The following TNNI3K variants were observed in gnomAD, a reference collection of about 807,000 sequenced individuals.
TNNI3K encodes TNNI3 interacting kinase.
TNNI3K carries 140 observed loss-of-function variants against 114.5 expected under a neutral mutation model. The ratio of observed to expected loss-of-function variants is 1.22; its 90% CI spans 1.07 to 1.41. The LOEUF (loss-of-function observed/expected upper bound fraction) is 1.41, where lower values mean the gene tolerates loss of function less well. Ranked by LOEUF, TNNI3K falls within the 40% of genes most tolerant of loss-of-function variation. The pLI, the probability that TNNI3K is intolerant of heterozygous loss-of-function variation, is 0.00. For synonymous variants in TNNI3K, 347 were observed against 347.5 expected, an observed-to-expected ratio of 1.00 and a Z score of 0.02; for missense variants, 1,125 against 1,007.6, an observed-to-expected ratio of 1.12 and a Z score of -1.58.
At chr1:74,536,267 C>T (rs1646659868) in intron 23 of TNNI3K, among the ~76,000 whole-genome samples, 1 of 152,090 alleles carries the variant, frequency 6.6e-6, no homozygotes, top group African/African-American at 2.4e-5. Flanking sequence ...CATTCACAGA[C>T]AATGTGACCA....
chr1:74,484,776 C>G (rs1354681226), intron 21 of TNNI3K, among the ~76,000 whole-genome samples: 2 of 151,984 alleles, frequency 1.3e-5, no homozygotes, highest in Admixed American at 1.3e-4. Context: ...AAAGACATAG[C>G]GTTTTAACCC....
intron 21 of TNNI3K, among the ~76,000 whole-genome samples, chr1:74,478,878 G>T (rs1668337085): frequency 6.6e-6 from 1 of 152,060 alleles, no homozygotes; most frequent in Non-Finnish European, 1.5e-5. Context: ...TTATTTCTTA[G>T]CACATACAAT....
chr1:74,257,676 T>C (rs1436567708), intron 4 of TNNI3K, among the ~76,000 whole-genome samples: 1 of 139,566 alleles, frequency 7.2e-6, no homozygotes, highest in Admixed American at 7.2e-5. Context: ...TTTTTTTTTT[T>C]TTTTTTTTTT....
At chr1:74,248,396 A>G (rs1020387961) in intron 2 of TNNI3K, among the ~76,000 whole-genome samples, 1 of 152,140 alleles carries the variant, frequency 6.6e-6, no homozygotes, top group Non-Finnish European at 1.5e-5. Context: ...AAGTGCAGCC[A>G]GAGTTGGCAC....
At chr1:74,515,066 G>T (rs886125174) in intron 23 of TNNI3K, among the ~76,000 whole-genome samples, 1 of 152,140 alleles carries the variant, frequency 6.6e-6, no homozygotes, top group Non-Finnish European at 1.5e-5. Flanking sequence ...TAGGACATGG[G>T]CACAGAATTT....
intron 5 of TNNI3K, among the ~76,000 whole-genome samples, chr1:74,302,327 C>T (rs55891352): frequency 0.075 from 11,386 of 152,190 alleles, 534 homozygotes; most frequent in African/African-American, 0.13. Context: ...CCCTGAGACA[C>T]AATAATATTG....
chr1:74,506,733 G>A (rs1015481346), intron 23 of TNNI3K, among the ~76,000 whole-genome samples: 1 of 152,012 alleles, frequency 6.6e-6, no homozygotes, highest in African/African-American at 2.4e-5. Flanking sequence ...CCAATCTCTG[G>A]GGACCTTTTA....
At chr1:74,515,970 C>T (rs777934043) in intron 23 of TNNI3K, among the ~76,000 whole-genome samples, 2 of 152,106 alleles carry the variant, frequency 1.3e-5, no homozygotes, top group Non-Finnish European at 2.9e-5. Flanking sequence ...AAGGGACTTG[C>T]CTTTGCAGAA....
At chr1:74,295,768 A>G (rs1361654428) in intron 5 of TNNI3K, among the ~76,000 whole-genome samples, 1 of 152,128 alleles carries the variant, frequency 6.6e-6, no homozygotes, top group Non-Finnish European at 1.5e-5. Context: ...CTTGTAAGAA[A>G]TATTCGTATT....
intron 23 of TNNI3K, among the ~76,000 whole-genome samples, chr1:74,509,564 T>C (rs1192649056): frequency 1.3e-5 from 2 of 152,070 alleles, no homozygotes; most frequent in Non-Finnish European, 2.9e-5. Flanking sequence ...TAATATTTTA[T>C]CAGATTAACA....
chr1:74,484,092 G>A (rs953681038), intron 21 of TNNI3K, among the ~76,000 whole-genome samples: 26 of 151,570 alleles, frequency 1.7e-4, no homozygotes, highest in African/African-American at 6.1e-4. Flanking sequence ...TAAGTGTTTA[G>A]TAAATGTTAA....
chr1:74,248,341 C>A (rs1360672609), intron 2 of TNNI3K, among the ~76,000 whole-genome samples: 1 of 152,134 alleles, frequency 6.6e-6, no homozygotes, highest in African/African-American at 2.4e-5. Flanking sequence ...TCGGCCAGTC[C>A]AGAGAGGGGC....
At chr1:74,496,139 G>T (rs1214694101) in intron 23 of TNNI3K, among the ~76,000 whole-genome samples, 1 of 152,142 alleles carries the variant, frequency 6.6e-6, no homozygotes, top group Non-Finnish European at 1.5e-5. Context: ...AGTTCCCCAG[G>T]TGATTCCAAT....
At chr1:74,264,489 A>G (rs1313100106) in intron 4 of TNNI3K, among the ~76,000 whole-genome samples, 2 of 152,108 alleles carry the variant, frequency 1.3e-5, no homozygotes, top group African/African-American at 4.8e-5. Flanking sequence ...CTTTTCTAAA[A>G]AAACCTTTTT....
intron 4 of TNNI3K, among the ~76,000 whole-genome samples, chr1:74,254,958 G>A (rs1007896342): frequency 6.6e-6 from 1 of 152,094 alleles, no homozygotes; most frequent in Non-Finnish European, 1.5e-5. Flanking sequence ...TATTTTGCAA[G>A]AATCGATATT....
chr1:74,397,032 C>T (rs542779913), intron 17 of TNNI3K, among the ~76,000 whole-genome samples: 1 of 152,214 alleles, frequency 6.6e-6, no homozygotes, highest in East Asian at 1.9e-4. Flanking sequence ...ACCCTGAAGG[C>T]AGGGGAAAGC....
intron 17 of TNNI3K, among the ~76,000 whole-genome samples, chr1:74,379,222 A>C (rs1249654003): frequency 2.6e-5 from 4 of 152,036 alleles, no homozygotes; most frequent in Admixed American, 6.6e-5. Context: ...AATATGGCTC[A>C]AGAGGAAAAA....
At chr1:74,532,919 A>G (rs945739997) in intron 23 of TNNI3K, among the ~76,000 whole-genome samples, 6 of 152,200 alleles carry the variant, frequency 3.9e-5, no homozygotes, top group Non-Finnish European at 8.8e-5. Flanking sequence ...TTAATTCAAG[A>G]TGGATTAAAG....
chr1:74,334,569 G>A lies in TNNI3K; in HGVS notation c.544-1442G>A, dbSNP rs548802085. On this transcript the variant is annotated intron_variant, in intron 6 of 24. Coordinates refer to ENST00000326637, the MANE Select transcript of TNNI3K (RefSeq NM_015978.3). ...CAAGTTTACAGAAGTTATTTGGAAA[G>A]TTCTTAAGTATATATATAAGTGACT... Among the ~76,000 whole-genome samples, 3 of 152,266 alleles carry A rather than the reference G, an allele frequency of 2.0e-5. No individual in the cohort carries two copies. The East Asian group carries it at 5.8e-4, about 29-fold the overall frequency.
Sources: gnomAD v4.1 joint callset for allele counts (sites outside exome capture counted in the v4.1 genomes callset) on GRCh38, gnomAD v4.1.1 for gene constraint, MANE v1.5 for transcripts, NCBI Gene and HGNC (gene_info 2026-07-23, HGNC 2026-07-21) for gene names.